The following RBFOX1 variants were observed in gnomAD, a reference collection of about 807,000 sequenced individuals.
RBFOX1 encodes the protein RNA binding protein fox-1 homolog 1.
Under a neutral mutation model 57.7 loss-of-function variants are expected in RBFOX1, and 8 were observed. The ratio of observed to expected loss-of-function variants is 0.14; its 90% CI spans 0.08 to 0.25. The LOEUF is 0.25. RBFOX1 is among the 10% of genes least tolerant of loss of function. The probability of loss-of-function intolerance (pLI) is 1.00; values close to 1 mark genes in which losing one functional copy is unlikely to be tolerated. For synonymous variants in RBFOX1, 326 were observed against 222.4 expected (o/e 1.47, Z -4.15); for missense variants, 611 against 548.5 (o/e 1.11, Z -1.14).
chr16:7,334,653 G>A (rs2096753345), intron 4 of RBFOX1, among the ~76,000 whole-genome samples: 2 of 152,164 alleles, frequency 1.3e-5, no homozygotes, highest in Non-Finnish European at 1.5e-5. Context: ...GGACTCCAGA[G>A]CTTGTTGGGA....
chr16:5,505,620 C>A (rs2043352451), intron 2 of RBFOX1, among the ~76,000 whole-genome samples: 1 of 152,182 alleles, frequency 6.6e-6, no homozygotes, highest in South Asian at 2.1e-4. Flanking sequence ...TGAATACTGT[C>A]TTCCCTGGGT....
chr16:6,046,482 C>G lies in RBFOX1; in HGVS notation c.-127+26490C>G, dbSNP rs1008020739. Among the ~76,000 whole-genome samples the G allele has an allele frequency of 2.0e-5, 3 of 152,156 alleles. No homozygotes were observed. The South Asian group carries it at 6.2e-4, about 32-fold the overall frequency. On this transcript the variant is annotated intron_variant, in intron 1 of 15. Coordinates refer to ENST00000550418, the MANE Select transcript of RBFOX1 (RefSeq NM_018723.4). ...TGCGGATTTAAGAATACAATGTATA[C>G]TCGAGTCTAGAGCTTAGGGAAGAAT...
At chr16:6,885,764 C>T (rs1049393859) in intron 3 of RBFOX1, among the ~76,000 whole-genome samples, 1 of 152,128 alleles carries the variant, frequency 6.6e-6, no homozygotes, top group Non-Finnish European at 1.5e-5. Flanking sequence ...ACTCATGCCT[C>T]AGGTGATTCA....
rs550977588 is a variant in RBFOX1, at chr16:7,578,176, C to G, written c.271-1601C>G. 7.2e-5 allele frequency among the ~76,000 whole-genome samples: 11 copies of G among 152,278 alleles called. No individual in the cohort carries two copies. The South Asian group carries it at 2.1e-3, about 29-fold the overall frequency. On this transcript the variant is annotated intron_variant, in intron 5 of 15. Transcript: ENST00000550418. ...TCACTTTCCATTTATTGAATACATA[C>G]CAGGAACTTGGCCAAGTTAGCACAC...
intron 4 of RBFOX1, among the ~76,000 whole-genome samples, chr16:7,511,386 T>C (rs763131616): frequency 6.6e-6 from 1 of 152,136 alleles, no homozygotes; most frequent in Non-Finnish European, 1.5e-5. Flanking sequence ...CAAAACTCTC[T>C]CATCTTATTT....
chr16:5,725,544 T>G (rs1338899594), intron 3 of RBFOX1, among the ~76,000 whole-genome samples: 1 of 151,900 alleles, frequency 6.6e-6, no homozygotes, highest in Non-Finnish European at 1.5e-5. Context: ...ACTACTGGTG[T>G]GAGCCACTGC....
chr16:7,276,185 G>C (rs1252091025), intron 4 of RBFOX1, among the ~76,000 whole-genome samples: 1 of 152,222 alleles, frequency 6.6e-6, no homozygotes, highest in Non-Finnish European at 1.5e-5. Context: ...TGCCAAGTCT[G>C]AAGTGAAGCT....
chr16:6,008,013 C>T (rs943644431), intron 4 of RBFOX1, among the ~76,000 whole-genome samples: 1 of 152,064 alleles, frequency 6.6e-6, no homozygotes, highest in Non-Finnish European at 1.5e-5. Context: ...AGGAGTTTTT[C>T]ACCAACATGT....
chr16:6,399,782 G>A (rs561602693), intron 2 of RBFOX1, among the ~76,000 whole-genome samples: 18 of 152,302 alleles, frequency 1.2e-4, no homozygotes, highest in South Asian at 4.2e-4. Context: ...AAGAAAAGAG[G>A]TTTAATTGAA....
chr16:6,074,013 A>G (rs1353825500), intron 1 of RBFOX1, among the ~76,000 whole-genome samples: 1 of 151,986 alleles, frequency 6.6e-6, no homozygotes, highest in African/African-American at 2.4e-5. Context: ...CAGGGGTGCA[A>G]TCTCAGCTCA....
intron 1 of RBFOX1, among the ~76,000 whole-genome samples, chr16:5,385,155 C>T (rs1481514986): frequency 6.6e-6 from 1 of 152,144 alleles, no homozygotes; most frequent in East Asian, 1.9e-4. Flanking sequence ...AGGCACTATG[C>T]TTTACGTGCT....
At chr16:6,525,578 T>C (rs2096567009) in intron 2 of RBFOX1, among the ~76,000 whole-genome samples, 1 of 152,166 alleles carries the variant, frequency 6.6e-6, no homozygotes, top group Non-Finnish European at 1.5e-5. Context: ...TTCATTGTTC[T>C]GGAGACTGGG....
At chr16:5,746,051 G>C (rs1423619078) in intron 3 of RBFOX1, among the ~76,000 whole-genome samples, 4 of 152,076 alleles carry the variant, frequency 2.6e-5, no homozygotes, top group African/African-American at 4.8e-5. Flanking sequence ...AGGTTTTCTT[G>C]TAGGGTTTCT....
At chr16:5,497,825 C>G (rs1395082295) in intron 2 of RBFOX1, among the ~76,000 whole-genome samples, 2 of 151,890 alleles carry the variant, frequency 1.3e-5, no homozygotes, top group African/African-American at 4.8e-5. Context: ...GATAATTGTC[C>G]CCAAGAATAA....
chr16:6,188,472 C>G (rs2097121531), intron 1 of RBFOX1, among the ~76,000 whole-genome samples: 1 of 148,044 alleles, frequency 6.8e-6, no homozygotes, highest in Non-Finnish European at 1.5e-5. Flanking sequence ...GTAAACCTGG[C>G]TGGCAACCTT....
At chr16:5,869,863 C>T (rs781590646) in intron 4 of RBFOX1, among the ~76,000 whole-genome samples, 2 of 152,124 alleles carry the variant, frequency 1.3e-5, no homozygotes, top group Non-Finnish European at 2.9e-5. Context: ...CAAAACAACA[C>T]ATGCAAGAAT....
intron 1 of RBFOX1, among the ~76,000 whole-genome samples, chr16:6,151,664 A>T (rs978571928): frequency 6.6e-6 from 1 of 152,226 alleles, no homozygotes; most frequent in Non-Finnish European, 1.5e-5. Flanking sequence ...CGTAATTGAA[A>T]CAGATTTGTT....
intron 3 of RBFOX1, among the ~76,000 whole-genome samples, chr16:7,026,644 G>T (rs1195415499): frequency 6.6e-6 from 1 of 152,108 alleles, no homozygotes; most frequent in African/African-American, 2.4e-5. Flanking sequence ...CCCTGGTCAG[G>T]ATCCAGCTGA....
At chr16:6,222,774 A>T (rs1238874795) in intron 1 of RBFOX1, among the ~76,000 whole-genome samples, 2 of 151,264 alleles carry the variant, frequency 1.3e-5, no homozygotes, top group African/African-American at 4.9e-5. Context: ...ATATGTATAC[A>T]TGTGCCATGG....
Sources: gnomAD v4.1 joint callset for allele counts (sites outside exome capture counted in the v4.1 genomes callset) on GRCh38, gnomAD v4.1.1 for gene constraint, MANE v1.5 for transcripts, NCBI Gene and HGNC (gene_info 2026-07-23, HGNC 2026-07-21) for gene names.